SHANK2: variants seen among roughly 807,000 people sequenced by gnomAD.
The protein encoded by SHANK2 is SH3 and multiple ankyrin repeat domains protein 2.
A neutral mutation model predicts 133.7 loss-of-function variants in SHANK2; 43 were observed. That is an observed-to-expected ratio of 0.32 (90% CI 0.25 to 0.41). The LOEUF (loss-of-function observed/expected upper bound fraction) is 0.41. SHANK2 is among the 10% of genes least tolerant of loss of function. The pLI, the probability that SHANK2 is intolerant of heterozygous loss-of-function variation, is 1.00. For missense variants in SHANK2, 1,994 were observed against 2,235.8 expected (o/e 0.89, Z 2.18); for synonymous variants, 1,017 against 952.8 (o/e 1.07, Z -1.24).
At chr11:70,723,191 T>G (rs1555029640) in intron 14 of SHANK2, among the ~76,000 whole-genome samples, 2 of 152,212 alleles carry the variant, frequency 1.3e-5, no homozygotes, top group East Asian at 3.8e-4. Flanking sequence ...GACTTGCTTC[T>G]TCCAAGTAGA....
chr11:70,580,357 T>C (rs1221112255), intron 17 of SHANK2, among the ~76,000 whole-genome samples: 1 of 152,230 alleles, frequency 6.6e-6, no homozygotes, highest in East Asian at 1.9e-4. Context: ...ATGGCCCCAG[T>C]GTCCAGGGGG....
intron 15 of SHANK2, among the ~76,000 whole-genome samples, chr11:70,693,406 C>T (rs1945330357): frequency 6.6e-6 from 1 of 152,204 alleles, no homozygotes; most frequent in African/African-American, 2.4e-5. Flanking sequence ...TGCTTCTGCA[C>T]TTGCTGAACC....
intron 8 of SHANK2, among the ~76,000 whole-genome samples, chr11:71,091,210 G>C (rs1447823237): frequency 6.6e-6 from 1 of 152,188 alleles, no homozygotes; most frequent in Admixed American, 6.5e-5. Flanking sequence ...CCTGCCTGCG[G>C]GCTCCAGCTT....
intron 11 of SHANK2, among the ~76,000 whole-genome samples, chr11:70,851,747 A>T (rs2135468612): frequency 6.6e-6 from 1 of 152,314 alleles, no homozygotes; most frequent in East Asian, 1.9e-4. Context: ...GAGGCTAGCA[A>T]TGCCAATTTA....
At chr11:70,794,520 A>G (rs1947867615) in intron 14 of SHANK2, among the ~76,000 whole-genome samples, 1 of 152,174 alleles carries the variant, frequency 6.6e-6, no homozygotes, top group Non-Finnish European at 1.5e-5. Flanking sequence ...ACAGCCTGAG[A>G]TCACTTCCTG....
chr11:70,705,482 T>C (rs1010303848), intron 14 of SHANK2: 1 of 152,308 alleles, frequency 6.6e-6, no homozygotes, highest in African/African-American at 2.4e-5. Flanking sequence ...GGCTGTACTT[T>C]CTAGGAGAAA....
At chr11:70,474,487 T>C (rs538117228) in intron 25 of SHANK2, 1 of 152,304 alleles carries the variant, frequency 6.6e-6, no homozygotes, top group Admixed American at 6.5e-5. Flanking sequence ...GAAGTCCAAG[T>C]CCTCACGCTT....
intron 17 of SHANK2, among the ~76,000 whole-genome samples, chr11:70,599,921 A>AAGAAAGAAAAAGAAAGAAAGAAAG: frequency 1.6e-5 from 1 of 61,244 alleles, no homozygotes; most frequent in South Asian, 4.5e-4. Context: ...GAAAGAAAGA[A>AAGAAAGAAAAAGAAAGAAAGAAAG]AGAAAGAAAG....
intron 2 of SHANK2, among the ~76,000 whole-genome samples, chr11:71,190,107 C>T (rs1180892359): frequency 6.6e-6 from 1 of 152,218 alleles, no homozygotes; most frequent in Non-Finnish European, 1.5e-5. Context: ...CCTGCAGGGC[C>T]CCAACCCCAC....
At chr11:70,570,198 C>A in intron 17 of SHANK2, among the ~76,000 whole-genome samples, 1 of 152,324 alleles carries the variant, frequency 6.6e-6, no homozygotes, top group South Asian at 2.1e-4. Flanking sequence ...GTTTGGCTGG[C>A]GGCCACGCCG....
chr11:70,748,022 G>C (rs1946679639), intron 14 of SHANK2, among the ~76,000 whole-genome samples: 1 of 152,054 alleles, frequency 6.6e-6, no homozygotes, highest in Non-Finnish European at 1.5e-5. Flanking sequence ...TGGAACAGTG[G>C]AGCTGAAACG....
intron 14 of SHANK2, among the ~76,000 whole-genome samples, chr11:70,703,548 C>T (rs569481964): frequency 3.9e-5 from 6 of 152,298 alleles, no homozygotes; most frequent in South Asian, 4.1e-4. Context: ...CTGTGCACTG[C>T]GCTGAGAGGC....
At chr11:70,923,423 A>T (rs541761698) in intron 10 of SHANK2, among the ~76,000 whole-genome samples, 1 of 152,184 alleles carries the variant, frequency 6.6e-6, no homozygotes, top group African/African-American at 2.4e-5. Context: ...TTGTATCTTT[A>T]GTAGAGATGG....
intron 14 of SHANK2, among the ~76,000 whole-genome samples, chr11:70,791,503 G>A (rs782092287): frequency 7.9e-5 from 12 of 152,126 alleles, no homozygotes; most frequent in Non-Finnish European, 1.0e-4. Context: ...TGTCTCTTAC[G>A]CACAGAAACA....
Position 70,845,928 on chromosome 11 carries a change from G to A in SHANK2, c.1175-25246C>T, listed in dbSNP as rs1282338302. Among the ~76,000 whole-genome samples, 9 of 152,254 alleles carry A rather than the reference G, an allele frequency of 5.9e-5. No homozygotes were observed. In the East Asian group the frequency reaches 7.7e-4, roughly 13 times the overall value. On this transcript the variant is annotated intron_variant, in intron 11 of 25. Transcript: ENST00000601538. ...AAGCAACGCACTGGGGGCAGGAAAC[G>A]GAGCCGTCAGAGGAAAGCACCCCAG... is the stretch of plus-strand genomic sequence containing the variant.
chr11:70,630,572 G>C (rs997181517), intron 17 of SHANK2, among the ~76,000 whole-genome samples: 2 of 152,186 alleles, frequency 1.3e-5, no homozygotes, highest in African/African-American at 4.8e-5. Context: ...AGGTCATCCT[G>C]GAATAAGTGG....
chr11:70,663,720 C>T (rs1295063831), intron 15 of SHANK2, among the ~76,000 whole-genome samples: 1 of 152,182 alleles, frequency 6.6e-6, no homozygotes, highest in Non-Finnish European at 1.5e-5. Flanking sequence ...CAGGGAGGTC[C>T]ACTCTGGGGA....
At chr11:70,491,104 C>A (rs1272818974) in intron 22 of SHANK2, among the ~76,000 whole-genome samples, 1 of 152,260 alleles carries the variant, frequency 6.6e-6, no homozygotes, top group Non-Finnish European at 1.5e-5. Flanking sequence ...CTTCCCCAGG[C>A]TGTTGTTTTG....
At chr11:70,871,268 G>C (rs533814247) in intron 11 of SHANK2, among the ~76,000 whole-genome samples, 3 of 152,186 alleles carry the variant, frequency 2.0e-5, no homozygotes, top group Non-Finnish European at 4.4e-5. Context: ...GTCTGGGCTC[G>C]CCTGGTGGCA....
Sources: allele counts gnomAD v4.1 joint callset (sites outside exome capture counted in the v4.1 genomes callset), GRCh38; gene constraint gnomAD v4.1.1; transcripts MANE v1.5; gene names NCBI Gene and HGNC (gene_info 2026-07-23, HGNC 2026-07-21).